TMC3: variants seen among roughly 807,000 people sequenced by gnomAD.
TMC3 encodes transmembrane channel-like protein 3.
A neutral mutation model predicts 110.6 loss-of-function variants in TMC3; 98 were observed. The observed-to-expected ratio is 0.89, with a 90% CI of 0.75 to 1.05. The LOEUF is 1.05. Among genes scored for constraint, TMC3 ranks in the 50% least tolerant of loss-of-function variants. The pLI is 0.00. For missense variants in TMC3, 1,319 were observed against 1,373.2 expected (o/e 0.96, Z 0.62); for synonymous variants, 489 against 513.1 (o/e 0.95, Z 0.63).
In TMC3 at chr15:81,332,658, G is replaced by A. The variant is rs778944338; in HGVS notation, c.3064C>T (p.Pro1022Ser). The A allele has an allele frequency of 3.1e-6, 5 of 1,613,986 alleles. No individual in the cohort carries two copies. The Admixed American group carries it at 5.0e-5, about 16-fold the overall frequency. ...CCTCTGGGCTTCAGAGGGGGCTGTGGGTATTGGAAATTCCGGGATCGTGGC... is the reference window on the plus strand; with the variant it reads ...CCTCTGGGCTTCAGAGGGGGCTGTGAGTATTGGAAATTCCGGGATCGTGGC... ...RKPRSRNFQYPQPPLKPRGKP... is the reference protein window; with the variant it reads ...RKPRSRNFQYSQPPLKPRGKP... Residue 1022 changes from proline (P) to serine (S), a missense_variant, in exon 22 of 22, where the codon CCA becomes TCA. Physicochemically the swap from Pro to Ser is moderately conservative, Grantham distance 74. Transcript: ENST00000359440.
intron 12 of TMC3, 53 bp from the exon 13 acceptor site, chr15:81,345,064 G>T: frequency 6.5e-7 from 1 of 1,535,184 alleles, no homozygotes; most frequent in Non-Finnish European, 8.8e-7. Context: ...GGAAAATGGC[G>T]GTCCACATAT....
chr15:81,356,374 C>T, intron 8 of TMC3, 73 bp downstream of exon 8: 1 of 1,491,548 alleles, frequency 6.7e-7, no homozygotes, highest in Non-Finnish European at 9.0e-7. Context: ...TTCTGGCTTC[C>T]AGCTGAGGGC....
intron 11 of TMC3, among the ~76,000 whole-genome samples, chr15:81,347,113 C>A (rs1893843771): frequency 6.6e-6 from 1 of 152,156 alleles, no homozygotes; most frequent in Non-Finnish European, 1.5e-5. Flanking sequence ...GTTTTGGAAA[C>A]ACATCATGGA....
intron 3 of TMC3, among the ~76,000 whole-genome samples, chr15:81,367,030 T>C (rs888229783): frequency 6.6e-6 from 1 of 152,160 alleles, no homozygotes; most frequent in African/African-American, 2.4e-5. Context: ...CTTTAAATAT[T>C]TATCAAAAGC....
intron 2 of TMC3, among the ~76,000 whole-genome samples, chr15:81,369,937 A>T (rs958535797): frequency 6.6e-6 from 1 of 152,118 alleles, no homozygotes; most frequent in Non-Finnish European, 1.5e-5. Context: ...ACAAACAACA[A>T]CAACAACAAA....
chr15:81,337,906 G>T lies in TMC3; in HGVS notation c.2100C>A (p.Leu700=). ...GCTTTAGAGACCGTGCGATGCTCTGGAGATAATAGATGAGCATGCTAGGAC... is the reference window on the plus strand; with the variant it reads ...GCTTTAGAGACCGTGCGATGCTCTGTAGATAATAGATGAGCATGCTAGGAC... ...VLLLFMLIYY[L]QSIARSLKLS... Residue 700 remains leucine (L), a synonymous_variant, in exon 19 of 22, where the codon CTC becomes CTA. Transcript: ENST00000359440. The T allele has an allele frequency of 6.2e-7, 1 of 1,613,896 alleles. No individual in the cohort carries two copies. Among genetic ancestry groups the T allele is most frequent in the Non-Finnish European group, 8.5e-7 (1 of 1,179,774 alleles).
In TMC3 at chr15:81,341,561, G is replaced by A. The variant is rs536229335; in HGVS notation, c.1716-43C>T. ...GTCAGTTTGCATCTGTTCTCTTTCAGCCTATCTCCCAGGACTATGGAAGCC... is the reference window on the plus strand; with the variant it reads ...GTCAGTTTGCATCTGTTCTCTTTCAACCTATCTCCCAGGACTATGGAAGCC... On this transcript the variant is annotated intron_variant, in intron 15 of 21. Coordinates refer to ENST00000359440, the MANE Select transcript of TMC3 (RefSeq NM_001080532.3). 4.3e-5 allele frequency: 69 copies of A among 1,586,612 alleles called. No homozygotes were observed. The East Asian group carries it at 1.5e-3, about 35-fold the overall frequency.
At chr15:81,352,941 T>C (rs1056131245) in intron 9 of TMC3, among the ~76,000 whole-genome samples, 2 of 147,888 alleles carry the variant, frequency 1.4e-5, no homozygotes, top group Non-Finnish European at 2.9e-5. Flanking sequence ...TGCCTCAGCC[T>C]CCTGAGTAGC....
rs1409071228 is a variant in TMC3 at position 81,341,431 on chromosome 15, C to T, written c.1803G>A (p.Leu601=). 2 of 1,611,508 alleles carry T rather than the reference C, an allele frequency of 1.2e-6. No homozygotes were observed. Among genetic ancestry groups the T allele is most frequent in the African/African-American group, 1.3e-5 (1 of 74,876 alleles). ...CTTGCTGGTGGGGCACATTGCAGGT[C>T]AGCACAGCCCAGCTTCTCAGGTACA... is the stretch of plus-strand genomic sequence containing the variant. ...GLMYLRSWAV[L]TCNVPHQQVF... is the part of the protein sequence containing the mutation. The change falls in exon 16 of 22, where the codon CTG becomes CTA. Residue 601 remains leucine (L), a synonymous_variant. Coordinates refer to ENST00000359440, the MANE Select transcript of TMC3 (RefSeq NM_001080532.3).
Position 81,345,016 on chromosome 15 carries a change from G to GGAGAGA in TMC3, c.1273-11_1273-6dup, listed in dbSNP as rs147678536. 2.4e-5 allele frequency: 34 copies of GGAGAGA among 1,392,298 alleles called. No homozygotes were observed. Among genetic ancestry groups the GGAGAGA allele is most frequent in the Non-Finnish European group, 3.2e-5 (33 of 1,021,966 alleles). The allele number at this position is 1,392,298 out of a possible 1,614,324, so 86.2% of individuals were successfully genotyped here. A position where few individuals can be genotyped will look rare whatever the true frequency, so the allele number is the denominator to read the frequency against. On this transcript the variant is annotated splice_region_variant and splice_polypyrimidine_tract_variant and intron_variant, in intron 12 of 21. Coordinates refer to ENST00000359440, the MANE Select transcript of TMC3 (RefSeq NM_001080532.3). ...GTTATTTTTGGTAGCCATTTCCTGG[G>GGAGAGA]GAGAGAGAGAGAGAGAGAGAGGGAA...
Position 81,356,389 on chromosome 15 carries a change from G to A in TMC3, c.891+58C>T, listed in dbSNP as rs80161165. The A allele has an allele frequency of 3.1e-3, 4,711 of 1,521,640 alleles. 128 individuals carry two copies. The African/African-American group carries it at 0.058, about 19-fold the overall frequency. 94.3% of individuals were successfully genotyped at this position (1,521,640 alleles called of 1,614,324 possible). A position where few individuals can be genotyped will look rare whatever the true frequency, so the allele number is the denominator to read the frequency against. On this transcript the variant is annotated intron_variant, in intron 8 of 21. Coordinates refer to ENST00000359440, the MANE Select transcript of TMC3 (RefSeq NM_001080532.3). ...TTCTGGCTTCCAGCTGAGGGCCAGC[G>A]GCTGGCTCTGACCCTGAGCTGCCCA...
At chr15:81,340,837 C>T (rs978449669) in intron 16 of TMC3, among the ~76,000 whole-genome samples, 2 of 152,180 alleles carry the variant, frequency 1.3e-5, no homozygotes, top group Non-Finnish European at 1.5e-5. Context: ...CCTACATGCC[C>T]GTCAACAGGA....
rs1894147474 is a variant in TMC3 at position 81,359,725 on chromosome 15, GACTT to G, written c.395-258_395-255del. 3.3e-5 allele frequency among the ~76,000 whole-genome samples: 5 copies of G among 152,196 alleles called. No individual in the cohort carries two copies. In the South Asian group the frequency reaches 1.0e-3, roughly 32 times the overall value. ...GCTATTTGATAGTCACTTCCCTAAT[GACTT>G]ACTTATCTAAAATGGTCTTATCAAA... On this transcript the variant is annotated intron_variant, in intron 4 of 21. Transcript: ENST00000359440.
At chr15:81,373,912 C>T in intron 1 of TMC3, 77 bp downstream of exon 1, 5 of 1,347,536 alleles carry the variant, frequency 3.7e-6, no homozygotes, top group Non-Finnish European at 5.2e-6. Flanking sequence ...GGACTTTGTC[C>T]CTCGCTCTGG....
chr15:81,346,562 T>C, intron 11 of TMC3, 119 bp from the exon 12 acceptor site: 1 of 961,938 alleles, frequency 1.0e-6, no homozygotes, highest in South Asian at 1.5e-5. Context: ...CTGCCACACT[T>C]GGTTTCCTCT....
chr15:81,345,603 C>G (rs1893810375), intron 12 of TMC3, among the ~76,000 whole-genome samples: 1 of 152,146 alleles, frequency 6.6e-6, no homozygotes, highest in South Asian at 2.1e-4. Context: ...GGCGTGATGC[C>G]TCACACTTGT....
chr15:81,364,301 A>C (rs1444043753), intron 3 of TMC3, among the ~76,000 whole-genome samples: 4 of 152,254 alleles, frequency 2.6e-5, no homozygotes, highest in African/African-American at 9.6e-5. Flanking sequence ...GGAACTTCTT[A>C]AAGGAAAATG....
In TMC3 at chr15:81,349,583, A is replaced by G. The variant is rs1893898668; in HGVS notation, c.1084-16T>C. On this transcript the variant is annotated splice_polypyrimidine_tract_variant and intron_variant, in intron 10 of 21. Coordinates refer to ENST00000359440, the MANE Select transcript of TMC3 (RefSeq NM_001080532.3). The stretch of plus-strand genomic sequence containing the variant: ...CCACACTGACCTGCTGAGAGAGCAC[A>G]TGCCAGAGCCAGACATTCCCAGGAC... 1 of 1,431,696 alleles carries G rather than the reference A, an allele frequency of 7.0e-7. No homozygotes were observed. The highest frequency in any genetic ancestry group is 9.2e-7 in the Non-Finnish European group (1 of 1,084,798). 88.7% of individuals were successfully genotyped at this position (1,431,696 alleles called of 1,614,324 possible). A position where few individuals can be genotyped will look rare whatever the true frequency, so the allele number is the denominator to read the frequency against.
chr15:81,355,771 T>C lies in TMC3; in HGVS notation c.892-3A>G, dbSNP rs201426062. 6.4e-6 allele frequency: 10 copies of C among 1,572,190 alleles called. No individual in the cohort carries two copies. In the African/African-American group the frequency reaches 1.2e-4, roughly 19 times the overall value. ...TCCTGTTCTTCCAATATAGCTTCCT[T>C]TAAGAAAAATACATACAGCAATAAA... On this transcript the variant is annotated splice_region_variant and splice_polypyrimidine_tract_variant and intron_variant, in intron 8 of 21. Transcript: ENST00000359440.
Sources: allele counts gnomAD v4.1 joint callset (sites outside exome capture counted in the v4.1 genomes callset), GRCh38; gene constraint gnomAD v4.1.1; transcripts MANE v1.5; gene names NCBI Gene and HGNC (gene_info 2026-07-23, HGNC 2026-07-21).